Variants in COL26A1 observed in about 807,000 individuals in gnomAD.
The protein encoded by COL26A1 is collagen type XXVI alpha 1 chain.
Under a neutral mutation model 59.3 loss-of-function variants are expected in COL26A1, and 41 were observed. That is an observed-to-expected ratio of 0.69 (90% CI 0.54 to 0.90). The LOEUF (loss-of-function observed/expected upper bound fraction) is 0.90. COL26A1 is among the 40% of genes least tolerant of loss of function. The pLI is 0.00. For synonymous variants in COL26A1, 266 were observed against 256.0 expected, an observed-to-expected ratio of 1.04 and a Z score of -0.37; for missense variants, 612 against 602.3, an observed-to-expected ratio of 1.02 and a Z score of -0.17.
chr7:101,536,984 C>T (rs958756821), intron 4 of COL26A1, among the ~76,000 whole-genome samples: 2 of 152,198 alleles, frequency 1.3e-5, no homozygotes, highest in Non-Finnish European at 2.9e-5. Context: ...GTGACCACCT[C>T]CTGGTTGCAA....
intron 4 of COL26A1, among the ~76,000 whole-genome samples, chr7:101,535,042 CG>C: frequency 6.6e-6 from 1 of 152,344 alleles, no homozygotes; most frequent in Middle Eastern, 3.4e-3. Context: ...AGAGCAATGA[CG>C]GGGAGCCCCA....
intron 3 of COL26A1, among the ~76,000 whole-genome samples, chr7:101,448,127 G>T (rs1446959613): frequency 6.6e-6 from 1 of 152,238 alleles, no homozygotes; most frequent in Non-Finnish European, 1.5e-5. Flanking sequence ...CCTGGGGCAG[G>T]CAGAGTTGGA....
intron 1 of COL26A1, among the ~76,000 whole-genome samples, chr7:101,418,495 G>T (rs982190611): frequency 5.9e-5 from 9 of 151,950 alleles, no homozygotes; most frequent in Admixed American, 5.9e-4. Flanking sequence ...TTTAGACAGG[G>T]TCTCGCTCTG....
At chr7:101,407,322 T>C (rs11523200) in intron 1 of COL26A1, among the ~76,000 whole-genome samples, 26,755 of 152,194 alleles carry the variant, frequency 0.18, 2,811 homozygotes, top group Non-Finnish European at 0.24. Context: ...CGCTTGTCTC[T>C]GCTCGATATT....
At chr7:101,495,959 C>T (rs112741536) in intron 3 of COL26A1, among the ~76,000 whole-genome samples, 2,880 of 151,892 alleles carry the variant, frequency 0.019, 94 homozygotes, top group African/African-American at 0.066. Context: ...GCCAGGCCTG[C>T]GGTACCAGCC....
At chr7:101,534,734 T>G (rs1379252266) in intron 4 of COL26A1, among the ~76,000 whole-genome samples, 2 of 152,094 alleles carry the variant, frequency 1.3e-5, no homozygotes, top group Non-Finnish European at 2.9e-5. Flanking sequence ...ACATTACCCT[T>G]GGCCCTGACT....
In COL26A1 at chr7:101,520,633, TACAC is replaced by T. The variant is rs3073377; in HGVS notation, c.386-12422_386-12419del. Among the ~76,000 whole-genome samples, 246 of 137,280 alleles carry T rather than the reference TACAC, an allele frequency of 1.8e-3. 1 individual carries two copies. The highest frequency in any genetic ancestry group is 3.5e-3 in the African/African-American group (111 of 31,708). 90.1% of individuals were successfully genotyped at this position (137,280 alleles called of 152,430 possible). ...AGGTTGACAGACAAGCACAGACACA[TACAC>T]ACACACACACACACACACACACACA... On this transcript the variant is annotated intron_variant, in intron 3 of 12. Coordinates refer to ENST00000313669, the MANE Select transcript of COL26A1 (RefSeq NM_001278563.3).
chr7:101,462,863 G>C (rs1388870250), intron 3 of COL26A1, among the ~76,000 whole-genome samples: 1 of 152,062 alleles, frequency 6.6e-6, no homozygotes, highest in Non-Finnish European at 1.5e-5. Flanking sequence ...GGACTTGCAG[G>C]CAAGGTTTTC....
rs149256383 is a variant in COL26A1 at position 101,416,772 on chromosome 7, C to T, written c.159-3205C>T. Among the ~76,000 whole-genome samples, 99 of 143,654 alleles carry T rather than the reference C, an allele frequency of 6.9e-4. 6 individuals carry two copies. The highest frequency in any genetic ancestry group is 2.3e-3 in the African/African-American group (93 of 40,668). 94.2% of individuals were successfully genotyped at this position (143,654 alleles called of 152,430 possible). A position where few individuals can be genotyped will look rare whatever the true frequency, so the allele number is the denominator to read the frequency against. On this transcript the variant is annotated intron_variant, in intron 1 of 12. Coordinates refer to ENST00000313669, the MANE Select transcript of COL26A1 (RefSeq NM_001278563.3). ...TGTGTGTGTATGTCACAGGGTCTTG[C>T]TCTGTCACCCAGTGTGGAGTGCAGC...
At chr7:101,402,857 C>T (rs944320019) in intron 1 of COL26A1, among the ~76,000 whole-genome samples, 4 of 145,806 alleles carry the variant, frequency 2.7e-5, no homozygotes, top group Admixed American at 1.4e-4. Flanking sequence ...CTTTCCTCTT[C>T]CTTTCTTTGA....
intron 2 of COL26A1, among the ~76,000 whole-genome samples, chr7:101,434,368 C>G (rs946069473): frequency 6.6e-6 from 1 of 151,884 alleles, no homozygotes; most frequent in Non-Finnish European, 1.5e-5. Flanking sequence ...GTCCTCCCAT[C>G]TCAGCCTCCC....
chr7:101,446,595 G>A (rs889574816), intron 2 of COL26A1, among the ~76,000 whole-genome samples: 3 of 152,130 alleles, frequency 2.0e-5, no homozygotes, highest in African/African-American at 4.8e-5. Flanking sequence ...TCCTGTAATC[G>A]CAGCACTTTG....
At chr7:101,406,231 G>A (rs915133848) in intron 1 of COL26A1, among the ~76,000 whole-genome samples, 1 of 152,132 alleles carries the variant, frequency 6.6e-6, no homozygotes, top group Admixed American at 6.5e-5. Context: ...GCGGTGCTTC[G>A]AAATGGACAG....
At position 101,558,895 on chromosome 7, in the gene COL26A1, A is replaced by T. The variant is rs574851537; in HGVS notation, c.*1365A>T. 1 of 152,358 alleles carries T rather than the reference A, an allele frequency of 6.6e-6. No homozygotes were observed. Among genetic ancestry groups the T allele is most frequent in the East Asian group, 1.9e-4 (1 of 5,162 alleles). The allele number at this position is 152,358 out of a possible 1,614,324, so 9.4% of individuals were successfully genotyped here. A position where few individuals can be genotyped will look rare whatever the true frequency, so the allele number is the denominator to read the frequency against. ...TGGCCTGGTCCCTCTGGGCCCTGGG[A>T]TCTTCTTCTGGCCCTTGAGGCAGGT... On this transcript the variant is annotated 3_prime_UTR_variant, in exon 13 of 13. Transcript: ENST00000313669.
chr7:101,462,919 C>T (rs769826666), intron 3 of COL26A1, among the ~76,000 whole-genome samples: 11 of 151,998 alleles, frequency 7.2e-5, no homozygotes, highest in African/African-American at 1.2e-4. Context: ...GTGATGGGGC[C>T]GGGACACTTC....
intron 3 of COL26A1, among the ~76,000 whole-genome samples, chr7:101,472,751 A>G (rs1191073930): frequency 6.6e-6 from 1 of 152,172 alleles, no homozygotes; most frequent in Non-Finnish European, 1.5e-5. Flanking sequence ...AGGAGCCCAT[A>G]AACACCGCAA....
chr7:101,504,421 C>T (rs996712527), intron 3 of COL26A1, among the ~76,000 whole-genome samples: 5 of 152,062 alleles, frequency 3.3e-5, no homozygotes, highest in African/African-American at 1.2e-4. Flanking sequence ...ACCTCTTTGC[C>T]CCATGCTGAC....
intron 3 of COL26A1, among the ~76,000 whole-genome samples, chr7:101,453,795 C>T (rs886801687): frequency 2.0e-5 from 3 of 152,118 alleles, no homozygotes; most frequent in Non-Finnish European, 4.4e-5. Flanking sequence ...AAATCAAGGC[C>T]ATGCCCATGT....
chr7:101,376,931 T>C (rs529284417), intron 1 of COL26A1, among the ~76,000 whole-genome samples: 4 of 152,148 alleles, frequency 2.6e-5, no homozygotes, highest in Non-Finnish European at 5.9e-5. Flanking sequence ...TGATCTTAGC[T>C]CACTGCAATC....
Sources: gnomAD v4.1 joint callset for allele counts (sites outside exome capture counted in the v4.1 genomes callset) on GRCh38, gnomAD v4.1.1 for gene constraint, MANE v1.5 for transcripts, NCBI Gene and HGNC (gene_info 2026-07-23, HGNC 2026-07-21) for gene names.